The following PCDHAC1 variants were observed in gnomAD, a reference collection of about 807,000 sequenced individuals.
PCDHAC1 encodes the protein protocadherin alpha subfamily C, 1, also known as protocadherin alpha-C1.
Under a neutral mutation model 60.0 loss-of-function variants are expected in PCDHAC1, and 42 were observed. The ratio of observed to expected loss-of-function variants is 0.70; its 90% CI spans 0.55 to 0.90. PCDHAC1 has a LOEUF of 0.90. Among genes scored for constraint, PCDHAC1 ranks in the 40% least tolerant of loss-of-function variants. The pLI is 0.00. For missense variants in PCDHAC1, 1,160 were observed against 1,222.3 expected (o/e 0.95, Z 0.76); for synonymous variants, 468 against 499.3 (o/e 0.94, Z 0.84).
At chr5:140,973,007 G>T (rs2096567856) in intron 1 of PCDHAC1, among the ~76,000 whole-genome samples, 1 of 152,160 alleles carries the variant, frequency 6.6e-6, no homozygotes, top group Non-Finnish European at 1.5e-5. Context: ...TGTGGTCGTG[G>T]TGTTGTGATT....
rs1295513512 is a variant in PCDHAC1, at chr5:140,927,848, G to A, written c.956G>A (p.Gly319Asp). ...GAGGCGAGGGACGAAGGTGTCTTTGGTTTAGCTAGCACCGCTAAACTGCTG... is the reference window on the plus strand; with the variant it reads ...GAGGCGAGGGACGAAGGTGTCTTTGATTTAGCTAGCACCGCTAAACTGCTG... ...YIEARDEGVFGLASTAKLLVE... is the reference protein window; with the variant it reads ...YIEARDEGVFDLASTAKLLVE... The change falls in exon 1 of 4, where the codon GGT (glycine) becomes GAT (aspartate). Residue 319 changes from glycine (G) to aspartate (D), a missense_variant. By Grantham distance (94) the Gly-to-Asp change is moderately conservative. Transcript: ENST00000253807. 1.9e-6 allele frequency: 3 copies of A among 1,614,062 alleles called. No homozygotes were observed. The highest frequency in any genetic ancestry group is 2.5e-6 in the Non-Finnish European group (3 of 1,180,044).
Position 140,928,600 on chromosome 5 carries a change from G to C in PCDHAC1, c.1708G>C (p.Val570Leu), listed in dbSNP as rs144698541. ...AAATGGTTCTGTCCCAGTGGAAATT[G>C]TGCCCCGCTCTGCCAGGACTGGACA... ...PRNGSVPVEIVPRSARTGHLV... is the reference protein window; with the variant it reads ...PRNGSVPVEILPRSARTGHLV... The change falls in exon 1 of 4, where the codon GTG becomes CTG. Residue 570 changes from valine (V) to leucine (L), a missense_variant. Coordinates refer to ENST00000253807, the MANE Select transcript of PCDHAC1 (RefSeq NM_018898.5). 3.1e-6 allele frequency: 5 copies of C among 1,614,090 alleles called. No homozygotes were observed. In the African/African-American group the frequency reaches 6.7e-5, roughly 22 times the overall value.
intron 3 of PCDHAC1, among the ~76,000 whole-genome samples, chr5:140,990,585 T>C (rs2097401437): frequency 6.6e-6 from 1 of 152,204 alleles, no homozygotes; most frequent in Non-Finnish European, 1.5e-5. Flanking sequence ...TCTTTTCCTA[T>C]AATCACCTGG....
intron 3 of PCDHAC1, among the ~76,000 whole-genome samples, chr5:141,005,772 G>A (rs1554260355): frequency 6.9e-6 from 1 of 144,526 alleles, no homozygotes; most frequent in South Asian, 2.2e-4. Flanking sequence ...CAAACCAGAT[G>A]TGTAAAGATC....
chr5:140,972,479 C>T (rs782631191), intron 1 of PCDHAC1, among the ~76,000 whole-genome samples: 1 of 151,994 alleles, frequency 6.6e-6, no homozygotes, highest in Non-Finnish European at 1.5e-5. Flanking sequence ...CAGCATTTAA[C>T]CCCAGACTCT....
chr5:140,960,519 G>C (rs188949970), intron 1 of PCDHAC1, among the ~76,000 whole-genome samples: 19 of 152,198 alleles, frequency 1.2e-4, no homozygotes, highest in Admixed American at 1.2e-3. Context: ...AACATAATGG[G>C]TATAGGAAAG....
chr5:140,928,635 A>G lies in PCDHAC1; in HGVS notation c.1743A>G (p.Thr581=), dbSNP rs148091714. Residue 581 remains threonine, a synonymous_variant, in exon 1 of 4, where the codon ACA becomes ACG. Transcript: ENST00000253807. ...CTGCCAGGACTGGACACTTGGTCAC[A>G]AAAGTGGTAGCAGAGGATGCTGACA... is the stretch of plus-strand genomic sequence containing the variant. ...PRSARTGHLV[T]KVVAEDADSG... 6 of 1,614,104 alleles carry G rather than the reference A, an allele frequency of 3.7e-6. No individual in the cohort carries two copies. The Middle Eastern group carries it at 4.9e-4, about 133-fold the overall frequency.
At chr5:140,946,705 T>A (rs246053) in intron 1 of PCDHAC1, among the ~76,000 whole-genome samples, 81,982 of 146,914 alleles carry the variant, frequency 0.56, 23,474 homozygotes, top group African/African-American at 0.69. Context: ...AATCTGGAGG[T>A]CATTATGTTT....
chr5:141,000,365 C>CTG (rs2097904906), intron 3 of PCDHAC1, among the ~76,000 whole-genome samples: 2 of 12,832 alleles, frequency 1.6e-4, no homozygotes, highest in Non-Finnish European at 2.6e-4. Flanking sequence ...CTCTCTGTCT[C>CTG]TCTCTCTCTC....
chr5:140,927,697 C>T lies in PCDHAC1; in HGVS notation c.805C>T (p.Gln269Ter). 2 of 1,614,170 alleles carry T rather than the reference C, an allele frequency of 1.2e-6. No homozygotes were observed. The highest frequency in any genetic ancestry group is 1.7e-6 in the Non-Finnish European group (2 of 1,180,036). The change falls in exon 1 of 4, where the codon CAG becomes TAG. Residue 269 changes from glutamine (Q) to a stop codon, truncating the protein, a stop_gained. Coordinates refer to ENST00000253807, the MANE Select transcript of PCDHAC1 (RefSeq NM_018898.5). LOFTEE classifies it high-confidence loss of function. ...DPDEGSNGEVQYSLSNSTQAE... is the reference protein window; with the variant it reads ...DPDEGSNGEV Reference sequence around the variant, plus strand: ...AGATGAAGGGTCCAATGGGGAAGTCCAGTACTCCCTAAGCAACAGCACGCA... The same window carrying T: ...AGATGAAGGGTCCAATGGGGAAGTCTAGTACTCCCTAAGCAACAGCACGCA...
At chr5:141,008,431 C>T (rs1192058423) in intron 3 of PCDHAC1, among the ~76,000 whole-genome samples, 1 of 152,140 alleles carries the variant, frequency 6.6e-6, no homozygotes, top group Non-Finnish European at 1.5e-5. Flanking sequence ...GATCACTTTG[C>T]CCAGACAGAC....
intron 1 of PCDHAC1, 36 bp downstream of exon 1, chr5:140,929,361 C>T (rs115903226): frequency 3.5e-5 from 53 of 1,519,472 alleles, no homozygotes; most frequent in Middle Eastern, 1.8e-4. Context: ...TCCTTTGGCC[C>T]GGAGATGGCT....
intron 1 of PCDHAC1, among the ~76,000 whole-genome samples, chr5:140,973,759 C>G (rs1050304490): frequency 2.0e-5 from 3 of 152,250 alleles, no homozygotes; most frequent in Non-Finnish European, 4.4e-5. Flanking sequence ...TGCAGGGACA[C>G]AGCCTGGCAT....
At chr5:140,996,929 C>T (rs1437008519) in intron 3 of PCDHAC1, among the ~76,000 whole-genome samples, 2 of 152,070 alleles carry the variant, frequency 1.3e-5, no homozygotes, top group African/African-American at 2.4e-5. Flanking sequence ...AAAAATATAG[C>T]ATTTTTGCAT....
At chr5:140,966,809 C>T (rs1335148442) in intron 1 of PCDHAC1, 5 of 1,547,376 alleles carry the variant, frequency 3.2e-6, no homozygotes, top group African/African-American at 1.4e-5. Flanking sequence ...AGAGCATCCA[C>T]GGCTCCGGCG....
intron 3 of PCDHAC1, among the ~76,000 whole-genome samples, chr5:140,991,587 C>T (rs1469333893): frequency 1.3e-5 from 2 of 152,208 alleles, no homozygotes; most frequent in African/African-American, 2.4e-5. Flanking sequence ...CTTATTTCTA[C>T]CTGAGCCCTC....
chr5:140,979,411 T>C (rs1422593406), intron 2 of PCDHAC1, among the ~76,000 whole-genome samples: 1 of 152,204 alleles, frequency 6.6e-6, no homozygotes, highest in Non-Finnish European at 1.5e-5. Flanking sequence ...CTACCTTGTT[T>C]TTTTTTTAAT....
Position 140,927,496 on chromosome 5 carries a change from G to C in PCDHAC1, c.604G>C (p.Val202Leu), listed in dbSNP as rs1206944698. Residue 202 changes from valine to leucine, a missense_variant, in exon 1 of 4, where the codon GTG (valine) becomes CTG (leucine). Transcript: ENST00000253807. ...CGAACAGCGCGCCACCCACCTGCTG[G>C]TGCTTACAGCTCGGGACGGCGGGCT... ...DREQRATHLL[V>L]LTARDGGLPA... The C allele has an allele frequency of 3.7e-6, 6 of 1,614,026 alleles. No homozygotes were observed. The highest frequency in any genetic ancestry group is 5.1e-6 in the Non-Finnish European group (6 of 1,180,054).
At chr5:140,976,316 C>T (rs1336395893) in intron 1 of PCDHAC1, among the ~76,000 whole-genome samples, 17 of 152,002 alleles carry the variant, frequency 1.1e-4, no homozygotes, top group Admixed American at 1.0e-3. Context: ...TTTGGGAGGC[C>T]GAGGAGGGTG....
Sources: allele counts gnomAD v4.1 joint callset (sites outside exome capture counted in the v4.1 genomes callset), GRCh38; gene constraint gnomAD v4.1.1; transcripts MANE v1.5; gene names NCBI Gene and HGNC (gene_info 2026-07-23, HGNC 2026-07-21).